The following MACF1 variants were observed in gnomAD, a reference collection of about 807,000 sequenced individuals.
MACF1 encodes the protein microtubule actin crosslinking factor 1, also known as microtubule-actin cross-linking factor 1.
MACF1 carries 193 observed loss-of-function variants against 854.8 expected under a neutral mutation model. The observed-to-expected ratio is 0.23, with a 90% CI of 0.20 to 0.25. The LOEUF (loss-of-function observed/expected upper bound fraction) is 0.25. MACF1 is among the 10% of genes least tolerant of loss of function. MACF1 has a pLI of 1.00. For synonymous variants in MACF1, 3,185 were observed against 3,226.7 expected, an observed-to-expected ratio of 0.99 and a Z score of 0.44; for missense variants, 7,722 against 8,929.1, an observed-to-expected ratio of 0.86 and a Z score of 5.45.
chr1:39,290,978 A>C (rs1022109385), intron 15 of MACF1, among the ~76,000 whole-genome samples: 1 of 146,084 alleles, frequency 6.8e-6, no homozygotes, highest in Non-Finnish European at 1.5e-5. Flanking sequence ...CCCAGTCTCA[A>C]CTTTTTTTTT....
chr1:39,376,863 G>T (rs1269924303), intron 52 of MACF1, among the ~76,000 whole-genome samples: 7 of 151,624 alleles, frequency 4.6e-5, no homozygotes, highest in Non-Finnish European at 1.0e-4. Flanking sequence ...CCACAAATGT[G>T]CACTGTCATG....
intron 58 of MACF1, among the ~76,000 whole-genome samples, chr1:39,415,825 G>C (rs1643283177): frequency 6.6e-6 from 1 of 152,192 alleles, no homozygotes; most frequent in African/African-American, 2.4e-5. Flanking sequence ...GCAGGAGTTA[G>C]AGGTTTAATC....
intron 5 of MACF1, among the ~76,000 whole-genome samples, chr1:39,256,522 A>T (rs1166006081): frequency 6.6e-6 from 1 of 152,202 alleles, no homozygotes; most frequent in Non-Finnish European, 1.5e-5. Flanking sequence ...TCAGTTCAGT[A>T]GAAGAGATAA....
At chr1:39,360,258 C>G (rs372751394) in intron 47 of MACF1, among the ~76,000 whole-genome samples, 8 of 151,662 alleles carry the variant, frequency 5.3e-5, no homozygotes, top group East Asian at 3.9e-4. Flanking sequence ...ATTCTTCCTT[C>G]TGGGCTTCTC....
intron 2 of MACF1, among the ~76,000 whole-genome samples, chr1:39,166,299 C>T (rs1459656175): frequency 6.6e-6 from 1 of 152,082 alleles, no homozygotes; most frequent in Non-Finnish European, 1.5e-5. Context: ...AATTCCTGAC[C>T]TCAGGTGATC....
intron 2 of MACF1, among the ~76,000 whole-genome samples, chr1:39,123,203 ATT>A (rs10585991): frequency 7.1e-4 from 80 of 111,914 alleles, no homozygotes; most frequent in African/African-American, 2.8e-3. Context: ...ATATATATAA[ATT>A]TTTTTTTTTT....
chr1:39,229,837 A>G (rs925478510), intron 1 of MACF1, among the ~76,000 whole-genome samples: 2 of 152,112 alleles, frequency 1.3e-5, no homozygotes, highest in Non-Finnish European at 2.9e-5. Context: ...CCCAGGTTCA[A>G]GTGATCCTCC....
chr1:39,368,494 T>C (rs1216740173), intron 50 of MACF1, among the ~76,000 whole-genome samples, 180 bp downstream of exon 50: 1 of 152,044 alleles, frequency 6.6e-6, no homozygotes, highest in Non-Finnish European at 1.5e-5. Context: ...ACTTGATGCT[T>C]AGTGGTTTTT....
chr1:39,384,637 C>T (rs1650528326), intron 56 of MACF1, among the ~76,000 whole-genome samples: 2 of 152,294 alleles, frequency 1.3e-5, no homozygotes, highest in Middle Eastern at 3.4e-3. Flanking sequence ...CTTAAAGAAG[C>T]TCTTTGTCTA....
intron 2 of MACF1, among the ~76,000 whole-genome samples, chr1:39,115,556 T>C (rs1642522662): frequency 2.6e-5 from 4 of 152,070 alleles, no homozygotes; most frequent in Admixed American, 2.6e-4. Flanking sequence ...TTAGGTTACA[T>C]TGCGGTCGAG....
intron 58 of MACF1, among the ~76,000 whole-genome samples, chr1:39,414,841 TGGTGTCAACATTTA>T (rs1643226658): frequency 6.6e-6 from 1 of 152,218 alleles, no homozygotes; most frequent in African/African-American, 2.4e-5. Flanking sequence ...TATTCATTGG[TGGTGTCAACATTTA>T]GGTAGAGGCC....
At position 39,212,840 on chromosome 1, in the gene MACF1, G is replaced by T. The variant is rs1175202789; in HGVS notation, c.109+7709G>T. ...GGGTTTCGCCATGTTGGCCAGGGTG[G>T]TCTCTAACTCCTTACCTCAAGTGAT... On this transcript the variant is annotated intron_variant, in intron 1 of 100. Coordinates refer to ENST00000564288, the MANE Select transcript of MACF1 (RefSeq NM_001394062.1). Among the ~76,000 whole-genome samples the T allele has an allele frequency of 5.9e-5, 9 of 152,310 alleles. No homozygotes were observed. The East Asian group carries it at 1.7e-3, about 29-fold the overall frequency.
chr1:39,420,864 ATT>A (rs922511626), intron 58 of MACF1, among the ~76,000 whole-genome samples: 28 of 133,216 alleles, frequency 2.1e-4, no homozygotes, highest in African/African-American at 2.6e-4. Context: ...GAGAAACCCA[ATT>A]TTTTTTTTTT....
intron 2 of MACF1, chr1:39,102,849 A>G (rs1404034752): frequency 2.8e-6 from 2 of 702,458 alleles, no homozygotes; most frequent in Non-Finnish European, 5.2e-6. Flanking sequence ...CTGGCTATAA[A>G]TTTAGACTGT....
At chr1:39,121,788 C>T (rs1233860602) in intron 2 of MACF1, among the ~76,000 whole-genome samples, 1 of 152,130 alleles carries the variant, frequency 6.6e-6, no homozygotes, top group African/African-American at 2.4e-5. Context: ...TATGATAGTC[C>T]AGTAACCTTA....
chr1:39,373,860 A>G (rs1404493362), intron 52 of MACF1, among the ~76,000 whole-genome samples: 1 of 151,608 alleles, frequency 6.6e-6, no homozygotes, highest in African/African-American at 2.4e-5. Context: ...CTCAAAAAAA[A>G]AAAAAAATCA....
At chr1:39,354,866 C>T (rs1263552842) in intron 44 of MACF1, among the ~76,000 whole-genome samples, 2 of 152,172 alleles carry the variant, frequency 1.3e-5, no homozygotes, top group Non-Finnish European at 2.9e-5. Flanking sequence ...TATTTCTACT[C>T]ATTTATTTAT....
chr1:39,122,089 G>A (rs915302734), intron 2 of MACF1, among the ~76,000 whole-genome samples: 12 of 151,904 alleles, frequency 7.9e-5, no homozygotes, highest in Non-Finnish European at 1.3e-4. Context: ...TGTCTGTAGC[G>A]CTCTTGAGTA....
chr1:39,322,504 G>A, intron 31 of MACF1, 104 bp from the exon 32 acceptor site: 2 of 934,384 alleles, frequency 2.1e-6, no homozygotes, highest in Admixed American at 2.0e-5. Flanking sequence ...TCCAGCATGA[G>A]TGGTCACCAA....
Sources: gnomAD v4.1 joint callset for allele counts (sites outside exome capture counted in the v4.1 genomes callset) on GRCh38, gnomAD v4.1.1 for gene constraint, MANE v1.5 for transcripts, NCBI Gene and HGNC (gene_info 2026-07-23, HGNC 2026-07-21) for gene names.